Variants in SLIT3 observed in about 807,000 individuals in gnomAD.
The protein encoded by SLIT3 is slit homolog 3 protein.
In SLIT3, 68 loss-of-function variants were observed where a neutral mutation model predicts 184.0. The observed-to-expected ratio is 0.37, with a 90% CI of 0.30 to 0.45. The LOEUF (loss-of-function observed/expected upper bound fraction) is 0.45, where lower values mean the gene tolerates loss of function less well. SLIT3 is among the 20% of genes least tolerant of loss of function. The pLI, the probability that SLIT3 is intolerant of heterozygous loss-of-function variation, is 1.00. For synonymous variants in SLIT3, 831 were observed against 828.6 expected, an observed-to-expected ratio of 1.00 and a Z score of -0.05; for missense variants, 1,707 against 2,026.0, an observed-to-expected ratio of 0.84 and a Z score of 3.02.
chr5:168,858,424 G>C (rs1758979631), intron 5 of SLIT3, among the ~76,000 whole-genome samples: 1 of 152,220 alleles, frequency 6.6e-6, no homozygotes, highest in Admixed American at 6.5e-5. Flanking sequence ...CCCGTTAAAG[G>C]CTAGTTGTCT....
chr5:169,218,869 A>G (rs1764532358), intron 3 of SLIT3, among the ~76,000 whole-genome samples: 1 of 152,192 alleles, frequency 6.6e-6, no homozygotes, highest in Admixed American at 6.5e-5. Context: ...AAGGGATACA[A>G]CTGGTAACAT....
intron 4 of SLIT3, among the ~76,000 whole-genome samples, chr5:168,925,169 G>C (rs1761775006): frequency 6.6e-6 from 1 of 152,222 alleles, no homozygotes; most frequent in Non-Finnish European, 1.5e-5. Context: ...GTAAGCATCT[G>C]TCAATTCTGT....
chr5:168,758,182 T>C (rs1755018362), intron 16 of SLIT3, among the ~76,000 whole-genome samples: 1 of 152,212 alleles, frequency 6.6e-6, no homozygotes, highest in Non-Finnish European at 1.5e-5. Context: ...CTTTTGTTGC[T>C]TGGTTGCTGA....
intron 4 of SLIT3, among the ~76,000 whole-genome samples, chr5:169,172,873 G>A (rs896517643): frequency 1.1e-4 from 16 of 152,188 alleles, no homozygotes; most frequent in African/African-American, 3.9e-4. Flanking sequence ...TATGGCTGAT[G>A]CTCAATAATA....
chr5:169,239,850 G>T (rs1168732227), intron 3 of SLIT3, among the ~76,000 whole-genome samples: 1 of 151,888 alleles, frequency 6.6e-6, no homozygotes, highest in African/African-American at 2.4e-5. Flanking sequence ...CAAGATATGT[G>T]CTTCTTTTAA....
intron 4 of SLIT3, among the ~76,000 whole-genome samples, chr5:169,010,203 T>C (rs191587232): frequency 6.6e-5 from 10 of 152,324 alleles, no homozygotes; most frequent in Admixed American, 2.0e-4. Flanking sequence ...CCAGAGGTGA[T>C]TTGGCAGCAA....
intron 4 of SLIT3, among the ~76,000 whole-genome samples, chr5:169,016,668 C>T (rs1756391951): frequency 6.6e-6 from 1 of 152,120 alleles, no homozygotes; most frequent in Admixed American, 6.5e-5. Context: ...ACATACAGAT[C>T]AACGACAGCA....
At chr5:169,039,931 T>G (rs577582417) in intron 4 of SLIT3, among the ~76,000 whole-genome samples, 1 of 152,360 alleles carries the variant, frequency 6.6e-6, no homozygotes, top group African/African-American at 2.4e-5. Flanking sequence ...CAAAAGCCAA[T>G]GTTTGATTCA....
At chr5:168,715,722 G>C (rs758036231) in intron 23 of SLIT3, among the ~76,000 whole-genome samples, 3 of 152,196 alleles carry the variant, frequency 2.0e-5, no homozygotes, top group Non-Finnish European at 4.4e-5. Context: ...GCCCAGGCTG[G>C]AGTGCAGTGG....
rs553232980 is a variant in SLIT3 at position 169,044,622 on chromosome 5, C to A, written c.413+148857G>T. ...GATGGGGAGAAATTGTTAATGGGTA[C>A]CAGATTTCTCTTTGGGGTGATGGGA... On this transcript the variant is annotated intron_variant, in intron 4 of 35. Transcript: ENST00000519560. Among the ~76,000 whole-genome samples the A allele has an allele frequency of 5.9e-5, 9 of 151,780 alleles. No homozygotes were observed. In the East Asian group the frequency reaches 1.7e-3, roughly 29 times the overall value.
chr5:169,013,183 T>C (rs1001683859), intron 4 of SLIT3: 1 of 152,246 alleles, frequency 6.6e-6, no homozygotes, highest in African/African-American at 2.4e-5. Context: ...AGTTGTCCCA[T>C]CCTTCTGTGA....
chr5:168,683,685 G>A (rs375039505), intron 32 of SLIT3, among the ~76,000 whole-genome samples: 4 of 152,182 alleles, frequency 2.6e-5, no homozygotes, highest in African/African-American at 9.6e-5. Flanking sequence ...CCACTGCAGC[G>A]CGCACTCCCG....
At chr5:169,273,522 C>A (rs201580753) in intron 1 of SLIT3, among the ~76,000 whole-genome samples, 1 of 152,194 alleles carries the variant, frequency 6.6e-6, no homozygotes, top group African/African-American at 2.4e-5. Context: ...GGAGCTTTAA[C>A]ACTTGCTGCC....
chr5:169,117,778 T>C (rs1198826813), intron 4 of SLIT3, among the ~76,000 whole-genome samples: 3 of 152,236 alleles, frequency 2.0e-5, no homozygotes, highest in Admixed American at 6.5e-5. Context: ...CTGTTTCTCC[T>C]ATACAAGGTG....
chr5:169,081,776 T>C (rs1451984749), intron 4 of SLIT3, among the ~76,000 whole-genome samples: 1 of 152,204 alleles, frequency 6.6e-6, no homozygotes, highest in African/African-American at 2.4e-5. Context: ...CCCCCGAATG[T>C]ATTTAAAAAA....
At chr5:169,100,626 G>A (rs769014262) in intron 4 of SLIT3, among the ~76,000 whole-genome samples, 20 of 152,104 alleles carry the variant, frequency 1.3e-4, no homozygotes, top group East Asian at 5.8e-4. Context: ...GGACACAAAC[G>A]CACTAAAAGC....
rs147705825 is a variant in SLIT3, at chr5:169,142,927, T to A, written c.413+50552A>T. On this transcript the variant is annotated intron_variant, in intron 4 of 35. Coordinates refer to ENST00000519560, the MANE Select transcript of SLIT3 (RefSeq NM_003062.4). Reference sequence around the variant, plus strand: ...TGTTTCTTTCCAGGTTGGTCAGTAATAAAAGAATATATCTTTGGAGCTGCC... The same window carrying A: ...TGTTTCTTTCCAGGTTGGTCAGTAAAAAAAGAATATATCTTTGGAGCTGCC... 3.7e-3 allele frequency among the ~76,000 whole-genome samples: 557 copies of A among 152,320 alleles called. 2 individuals carry two copies. Among genetic ancestry groups the A allele is most frequent in the Non-Finnish European group, 6.9e-3 (466 of 68,026 alleles).
chr5:168,755,175 C>A (rs1754848824), intron 16 of SLIT3, among the ~76,000 whole-genome samples: 2 of 152,140 alleles, frequency 1.3e-5, no homozygotes, highest in Non-Finnish European at 2.9e-5. Context: ...CTGAGGTTCA[C>A]AGAGATTAAC....
intron 4 of SLIT3, among the ~76,000 whole-genome samples, chr5:168,901,708 G>C (rs1760880452): frequency 6.6e-6 from 1 of 152,134 alleles, no homozygotes; most frequent in Non-Finnish European, 1.5e-5. Flanking sequence ...AAGAACACAG[G>C]TCCTGACTGT....
Sources: gnomAD v4.1 joint callset for allele counts (sites outside exome capture counted in the v4.1 genomes callset) on GRCh38, gnomAD v4.1.1 for gene constraint, MANE v1.5 for transcripts, NCBI Gene and HGNC (gene_info 2026-07-23, HGNC 2026-07-21) for gene names.